Variants in ANKRD50 observed in about 807,000 individuals in gnomAD.
ANKRD50 encodes the protein ankyrin repeat domain 50, also known as ankyrin repeat domain-containing protein 50.
ANKRD50 carries 40 observed loss-of-function variants against 112.0 expected under a neutral mutation model. The observed-to-expected ratio is 0.36, with a 90% CI of 0.28 to 0.46. ANKRD50 has a LOEUF of 0.46. Among genes scored for constraint, ANKRD50 ranks in the 20% least tolerant of loss-of-function variants. The pLI is 1.00. For synonymous variants in ANKRD50, 613 were observed against 619.1 expected (o/e 0.99, Z 0.15); for missense variants, 1,487 against 1,701.7 (o/e 0.87, Z 2.22).
chr4:124,689,270 T>C (rs1725078675), intron 2 of ANKRD50, among the ~76,000 whole-genome samples: 1 of 152,170 alleles, frequency 6.6e-6, no homozygotes, highest in Admixed American at 6.6e-5. Context: ...ATTATTGATA[T>C]ACAGAACAGT....
chr4:124,680,273 A>G (rs908957715), intron 2 of ANKRD50, among the ~76,000 whole-genome samples: 5 of 152,188 alleles, frequency 3.3e-5, no homozygotes, highest in Non-Finnish European at 7.3e-5. Context: ...CATAGTGCCC[A>G]CAGTAGAACC....
chr4:124,678,230 G>A (rs946975428), intron 3 of ANKRD50, among the ~76,000 whole-genome samples: 2 of 151,762 alleles, frequency 1.3e-5, no homozygotes, highest in Non-Finnish European at 2.9e-5. Context: ...GACAAAGAGT[G>A]TGTTAATCTA....
intron 2 of ANKRD50, among the ~76,000 whole-genome samples, chr4:124,696,740 ATAGT>A (rs1410539802): frequency 6.6e-6 from 1 of 152,222 alleles, no homozygotes; most frequent in Non-Finnish European, 1.5e-5. Context: ...CTTGGAGAAT[ATAGT>A]TATTGTTTTA....
At position 124,664,127 on chromosome 4, in the gene ANKRD50, A is replaced by G. The variant is rs1002638177; in HGVS notation, c.*3391T>C. The stretch of plus-strand genomic sequence containing the variant: ...GCAATAAACTCCCAAAATATCCGCC[A>G]TAAGATGGCCATAATATTCTGATGA... On this transcript the variant is annotated 3_prime_UTR_variant, in exon 5 of 5. Coordinates refer to ENST00000504087, the MANE Select transcript of ANKRD50 (RefSeq NM_020337.3). The G allele has an allele frequency of 2.0e-5, 3 of 152,046 alleles. No homozygotes were observed. Among genetic ancestry groups the G allele is most frequent in the Admixed American group, 2.0e-4 (3 of 15,228 alleles). The allele number at this position is 152,046 out of a possible 1,614,324, so 9.4% of individuals were successfully genotyped here. A position where few individuals can be genotyped will look rare whatever the true frequency, so the allele number is the denominator to read the frequency against.
rs1730576851 is a variant in ANKRD50 at position 124,669,444 on chromosome 4, T to G, written c.3833A>C (p.Lys1278Thr). ...CGCTTTTTTCCCAGCTGATCCAGAC[T>G]TGGCAGAATTTTCTGATTTCCCCCC... Reference protein sequence around the residue: ...SKGGKSENSAKSGSAGKKAKQ... With the variant: ...SKGGKSENSATSGSAGKKAKQ... Residue 1278 changes from lysine (K) to threonine (T), a missense_variant, in exon 4 of 5, where the codon AAG becomes ACG. Physicochemically the swap from Lys to Thr is moderately conservative, Grantham distance 78 (BLOSUM62 -1). Transcript: ENST00000504087. The G allele has an allele frequency of 6.2e-7, 1 of 1,612,666 alleles. No homozygotes were observed. The highest frequency in any genetic ancestry group is 1.3e-5 in the African/African-American group (1 of 74,770).
At chr4:124,679,560 A>G (rs943045527) in intron 2 of ANKRD50, among the ~76,000 whole-genome samples, 11 of 152,268 alleles carry the variant, frequency 7.2e-5, no homozygotes, top group South Asian at 2.1e-4. Context: ...TAACTTTTTC[A>G]TAAATACAAC....
At chr4:124,685,379 T>C (rs1219611992) in intron 2 of ANKRD50, among the ~76,000 whole-genome samples, 1 of 152,220 alleles carries the variant, frequency 6.6e-6, no homozygotes, top group Non-Finnish European at 1.5e-5. Flanking sequence ...CCATATTAAG[T>C]TCCCTTTCAA....
intron 2 of ANKRD50, among the ~76,000 whole-genome samples, chr4:124,681,599 A>G (rs1343619652): frequency 6.6e-6 from 1 of 152,202 alleles, no homozygotes. Context: ...GTAAATTATA[A>G]ATTAGTAGCA....
In ANKRD50 at chr4:124,710,260, C is replaced by T. The variant is rs1166137048; in HGVS notation, c.252G>A (p.Thr84=). Residue 84 remains threonine (T), a synonymous_variant, in exon 2 of 5, where the codon ACG becomes ACA. Coordinates refer to ENST00000504087, the MANE Select transcript of ANKRD50 (RefSeq NM_020337.3). The stretch of plus-strand genomic sequence containing the variant: ...GCCATAAGAGTTCAGTACATAGGGC[C>T]GTCTTGCCACTGCCAGGCCCTCCTA... The part of the protein sequence containing the change: ...LLVGGPGSGK[T]ALCTELLWPS... The T allele has an allele frequency of 1.2e-6, 2 of 1,614,212 alleles. No homozygotes were observed. The highest frequency in any genetic ancestry group is 2.2e-5 in the South Asian group (2 of 91,088).
In ANKRD50 at chr4:124,710,535, C is replaced by T. The variant is rs1400341123; in HGVS notation, c.-24G>A. On this transcript the variant is annotated 5_prime_UTR_variant, in exon 2 of 5. It removes the in-frame stop codon of an upstream open reading frame in the 5' UTR. Transcript: ENST00000504087. ...ATAACGGGTTTTTTATCTTCATTTG[C>T]TAGAGTCTGGATACATCAACACAGG... 2.5e-6 allele frequency: 4 copies of T among 1,592,104 alleles called. No homozygotes were observed. In the South Asian group the frequency reaches 3.4e-5, roughly 13 times the overall value.
At chr4:124,711,731 C>T (rs1324989750) in intron 1 of ANKRD50, among the ~76,000 whole-genome samples, 1 of 151,438 alleles carries the variant, frequency 6.6e-6, no homozygotes, top group Non-Finnish European at 1.5e-5. Context: ...GGGAAGATTA[C>T]CAGGGTTGCA....
At chr4:124,688,344 G>A (rs1428055707) in intron 2 of ANKRD50, among the ~76,000 whole-genome samples, 1 of 152,086 alleles carries the variant, frequency 6.6e-6, no homozygotes, top group East Asian at 1.9e-4. Context: ...TTACATCAGT[G>A]GTTGCCATAG....
In ANKRD50 at chr4:124,668,908, T is replaced by C. The variant is rs1316603350; in HGVS notation, c.*3+76A>G. 3 of 1,340,374 alleles carry C rather than the reference T, an allele frequency of 2.2e-6. No individual in the cohort carries two copies. The East Asian group carries it at 7.2e-5, about 32-fold the overall frequency. The allele number at this position is 1,340,374 out of a possible 1,614,324, so 83.0% of individuals were successfully genotyped here. A position where few individuals can be genotyped will look rare whatever the true frequency, so the allele number is the denominator to read the frequency against. On this transcript the variant is annotated intron_variant, in intron 4 of 4. Coordinates refer to ENST00000504087, the MANE Select transcript of ANKRD50 (RefSeq NM_020337.3). ...AGATTAACTGAGGGAATTGGCCTTG[T>C]GATCAAGGAAAAGAGCATTCCAAGT...
At position 124,710,742 on chromosome 4, in the gene ANKRD50, T is replaced by A; in HGVS notation, c.-231A>T. ...GTTGTTGAACTGAGGGAGAAACGCC[T>A]GATTCCACAGCTCAGCAACACTTTT... On this transcript the variant is annotated 5_prime_UTR_variant, in exon 2 of 5. Transcript: ENST00000504087. 5.5e-6 allele frequency: 3 copies of A among 546,188 alleles called. No homozygotes were observed. Among genetic ancestry groups the A allele is most frequent in the Non-Finnish European group, 9.7e-6 (3 of 310,708 alleles). 33.8% of individuals were successfully genotyped at this position (546,188 alleles called of 1,614,324 possible).
At chr4:124,688,202 A>G (rs1337395087) in intron 2 of ANKRD50, among the ~76,000 whole-genome samples, 1 of 152,170 alleles carries the variant, frequency 6.6e-6, no homozygotes, top group East Asian at 1.9e-4. Context: ...AACAACTACT[A>G]TTGATCCACA....
At position 124,710,763 on chromosome 4, in the gene ANKRD50, C is replaced by T. The variant is rs1370211785; in HGVS notation, c.-252G>A. ...CGCCTGATTCCACAGCTCAGCAACA[C>T]TTTTCCTAAATTTTAATGAGTCACA... On this transcript the variant is annotated 5_prime_UTR_variant, in exon 2 of 5. It adds an upstream start codon to the 5' untranslated region. Transcript: ENST00000504087. 2.0e-6 allele frequency: 1 copy of T among 508,246 alleles called. No homozygotes were observed. Among genetic ancestry groups the T allele is most frequent in the African/African-American group, 1.9e-5 (1 of 52,948 alleles). 31.5% of individuals were successfully genotyped at this position (508,246 alleles called of 1,614,324 possible). A position where few individuals can be genotyped will look rare whatever the true frequency, so the allele number is the denominator to read the frequency against.
intron 2 of ANKRD50, among the ~76,000 whole-genome samples, chr4:124,679,906 T>C (rs921796989): frequency 6.6e-6 from 1 of 152,200 alleles, no homozygotes; most frequent in African/African-American, 2.4e-5. Context: ...CCTGTGAGTT[T>C]CTACTGCAGC....
chr4:124,672,143 C>A lies in ANKRD50; in HGVS notation c.1134G>T (p.Met378Ile). The change falls in exon 4 of 5, where the codon ATG becomes ATT. Residue 378 changes from methionine (M) to isoleucine (I), a missense_variant. Around this residue, in one of 2 missense-constraint regions of ANKRD50, gnomAD observed 1,046 missense variants for 1,269.5 expected, o/e 0.82. Transcript: ENST00000504087. ...GTTGAAAATCTTCCAAAGTTAACGA[C>A]ATGTTTTTGGTCCATACTGCGTGAT... ...ELYHAVWTKNMSLTLEDFQRK... is the reference protein window; with the variant it reads ...ELYHAVWTKNISLTLEDFQRK... The A allele has an allele frequency of 6.2e-7, 1 of 1,613,872 alleles. No homozygotes were observed. The highest frequency in any genetic ancestry group is 8.5e-7 in the Non-Finnish European group (1 of 1,179,830).
At chr4:124,685,672 G>A (rs1724989772) in intron 2 of ANKRD50, among the ~76,000 whole-genome samples, 1 of 152,038 alleles carries the variant, frequency 6.6e-6, no homozygotes, top group African/African-American at 2.4e-5. Context: ...ATTGTACAGG[G>A]TTTGACTTTG....
Sources: allele counts gnomAD v4.1 joint callset (sites outside exome capture counted in the v4.1 genomes callset), GRCh38; gene constraint gnomAD v4.1.1; regional missense constraint gnomAD v4.1.1; transcripts MANE v1.5; gene names NCBI Gene and HGNC (gene_info 2026-07-23, HGNC 2026-07-21).